SERPINF2: variants seen among roughly 807,000 people sequenced by gnomAD.
SERPINF2 encodes the protein serpin family F member 2.
In SERPINF2, 15 loss-of-function variants were observed where a neutral mutation model predicts 45.0. The ratio of observed to expected loss-of-function variants is 0.33; its 90% CI spans 0.22 to 0.51. SERPINF2 has a LOEUF of 0.51. Among genes scored for constraint, SERPINF2 ranks in the 20% least tolerant of loss-of-function variants. The pLI is 0.97. For synonymous variants in SERPINF2, 283 were observed against 277.9 expected (o/e 1.02, Z -0.18); for missense variants, 518 against 637.4 (o/e 0.81, Z 2.02).
At position 1,745,657 on chromosome 17, in the gene SERPINF2, G is replaced by T; in HGVS notation, c.166-51G>T. On this transcript the variant is annotated intron_variant, in intron 4 of 9. Coordinates refer to ENST00000453066, the MANE Select transcript of SERPINF2 (RefSeq NM_000934.4). The surrounding 1 kb of genome is among the most constrained non-coding windows in gnomAD (Gnocchi z 6.2). ...GGGCTGTGACAAGGCCTTCAACACA[G>T]AACCTGGAGCTGACCCCTTGACCTC... is the stretch of plus-strand genomic sequence containing the variant. 1 of 1,572,562 alleles carries T rather than the reference G, an allele frequency of 6.4e-7. No individual in the cohort carries two copies.
chr17:1,753,752 C>G (rs534923419), intron 9 of SERPINF2, among the ~76,000 whole-genome samples: 1 of 152,214 alleles, frequency 6.6e-6, no homozygotes, highest in Admixed American at 6.5e-5. Context: ...TGCTAAGCAG[C>G]TGCTGTATTC....
chr17:1,754,669 CTTGGGGAGTTTAGGGTGGGGGGGGGG>C lies in SERPINF2; in HGVS notation c.*136_*161del. On this transcript the variant is annotated 3_prime_UTR_variant, in exon 10 of 10. Transcript: ENST00000453066. ...GAGAGGCCATTCTTTCCCAACACCT[CTTGGGGAGTTTAGGGTGGGGGGGGGG>C]CGCGGCTGGGAGGAGGGCAGGCATC... 1.7e-5 allele frequency: 6 copies of C among 352,736 alleles called. No individual in the cohort carries two copies. Among genetic ancestry groups the C allele is most frequent in the Admixed American group, 6.9e-5 (1 of 14,550 alleles). The allele number at this position is 352,736 out of a possible 1,614,324, so 21.9% of individuals were successfully genotyped here. A position where few individuals can be genotyped will look rare whatever the true frequency, so the allele number is the denominator to read the frequency against.
At chr17:1,743,018 C>T in intron 1 of SERPINF2, 110 bp downstream of exon 1, 1 of 985,432 alleles carries the variant, frequency 1.0e-6, no homozygotes. Flanking sequence ...CACTCCCCAG[C>T]CTCTTCTGGG....
In SERPINF2 at chr17:1,754,697, G is replaced by A. The variant is rs1206907889; in HGVS notation, c.*163G>A. 5 of 418,844 alleles carry A rather than the reference G, an allele frequency of 1.2e-5. No individual in the cohort carries two copies. The highest frequency in any genetic ancestry group is 4.2e-5 in the Admixed American group (1 of 23,866). 25.9% of individuals were successfully genotyped at this position (418,844 alleles called of 1,614,324 possible). ...GGGGAGTTTAGGGTGGGGGGGGGGC[G>A]CGGCTGGGAGGAGGGCAGGCATCGG... On this transcript the variant is annotated 3_prime_UTR_variant, in exon 10 of 10. Transcript: ENST00000453066.
chr17:1,748,578 T>C lies in SERPINF2; in HGVS notation c.716-20T>C. 1.2e-6 allele frequency: 2 copies of C among 1,612,202 alleles called. No individual in the cohort carries two copies. The highest frequency in any genetic ancestry group is 1.7e-6 in the Non-Finnish European group (2 of 1,179,978). The stretch of plus-strand genomic sequence containing the variant: ...AGCTGGTCCCCGTCGACGTGACCCC[T>C]GCCCTCTGCTGGGTTTCAGGTTTCT... On this transcript the variant is annotated intron_variant, in intron 7 of 9. Coordinates refer to ENST00000453066, the MANE Select transcript of SERPINF2 (RefSeq NM_000934.4).
Position 1,744,454 on chromosome 17 carries a change from C to T in SERPINF2, c.-4-538C>T, listed in dbSNP as rs574134048. 165 of 714,456 alleles carry T rather than the reference C, an allele frequency of 2.3e-4. No homozygotes were observed. The African/African-American group carries it at 2.8e-3, about 12-fold the overall frequency. 44.3% of individuals were successfully genotyped at this position (714,456 alleles called of 1,614,324 possible). Reference sequence around the variant, plus strand: ...GTTGCGGTGAGCCGAGATCCTGCCACTGCACTCCAGCCTGGTCAACGAGAG... The same window carrying T: ...GTTGCGGTGAGCCGAGATCCTGCCATTGCACTCCAGCCTGGTCAACGAGAG... On this transcript the variant is annotated intron_variant, in intron 1 of 9. Coordinates refer to ENST00000453066, the MANE Select transcript of SERPINF2 (RefSeq NM_000934.4).
chr17:1,745,117 G>A lies in SERPINF2; in HGVS notation c.64-58G>A. On this transcript the variant is annotated intron_variant, in intron 2 of 9. Transcript: ENST00000453066. This position sits in a 1 kb window ranked among gnomAD's most constrained non-coding sequence, Gnocchi z 6.2. ...TGGAGGGGGAAGAAGAGGGGCGTTG[G>A]CATGGAGGGAGGGCTTGGCTCCGAG... 2 of 1,604,210 alleles carry A rather than the reference G, an allele frequency of 1.2e-6. No individual in the cohort carries two copies. The highest frequency in any genetic ancestry group is 8.5e-7 in the Non-Finnish European group (1 of 1,176,214).
At position 1,754,915 on chromosome 17, in the gene SERPINF2, C is replaced by G. The variant is rs1051901404; in HGVS notation, c.*381C>G. On this transcript the variant is annotated 3_prime_UTR_variant, in exon 10 of 10. Transcript: ENST00000453066. ...GGGAGAGGGCTGCCTTTGGACTTGT[C>G]CCGGGACACCTAGGCTAGGGTGGGG... is the stretch of plus-strand genomic sequence containing the variant. 3.4e-6 allele frequency: 1 copy of G among 295,230 alleles called. No individual in the cohort carries two copies. Among genetic ancestry groups the G allele is most frequent in the Non-Finnish European group, 6.3e-6 (1 of 157,922 alleles). The allele number at this position is 295,230 out of a possible 1,614,324, so 18.3% of individuals were successfully genotyped here.
chr17:1,750,456 A>ATT (rs1241712336), intron 8 of SERPINF2, among the ~76,000 whole-genome samples: 17 of 141,684 alleles, frequency 1.2e-4, no homozygotes, highest in African/African-American at 4.2e-4. Flanking sequence ...CAATTTTTGT[A>ATT]TTTTTTTTTT....
At chr17:1,751,006 G>A (rs1425522554) in intron 8 of SERPINF2, among the ~76,000 whole-genome samples, 1 of 152,120 alleles carries the variant, frequency 6.6e-6, no homozygotes, top group Non-Finnish European at 1.5e-5. Flanking sequence ...TCTGCAGACA[G>A]GCCCAAACAG....
intron 5 of SERPINF2, among the ~76,000 whole-genome samples, chr17:1,746,720 C>T (rs1041408054): frequency 6.6e-6 from 1 of 152,062 alleles, no homozygotes; most frequent in African/African-American, 2.4e-5. Flanking sequence ...AGCCACCGCG[C>T]CCGGCCCCTC....
rs1225148744 is a variant in SERPINF2, at chr17:1,752,380, T to C, written c.859-206T>C. On this transcript the variant is annotated intron_variant, in intron 8 of 9. Coordinates refer to ENST00000453066, the MANE Select transcript of SERPINF2 (RefSeq NM_000934.4). ...CACACTGCTAGAAACTTTAAAAGCA[T>C]CTCATTCGGTTACGTGTCCGCCTGC... Among the ~76,000 whole-genome samples, 4 of 152,062 alleles carry C rather than the reference T, an allele frequency of 2.6e-5. No individual in the cohort carries two copies. The East Asian group carries it at 7.7e-4, about 29-fold the overall frequency.
Position 1,747,401 on chromosome 17 carries a change from G to T in SERPINF2, c.604G>T (p.Ala202Ser). The T allele has an allele frequency of 6.2e-7, 1 of 1,614,186 alleles. No individual in the cohort carries two copies. The highest frequency in any genetic ancestry group is 1.1e-5 in the South Asian group (1 of 91,084). The change falls in exon 7 of 10, where the codon GCA (alanine) becomes TCA (serine). Residue 202 changes from alanine (A) to serine (S), a missense_variant. Around this residue, in one of 2 missense-constraint regions of SERPINF2, gnomAD observed 435 missense variants for 577.3 expected, o/e 0.75. Coordinates refer to ENST00000453066, the MANE Select transcript of SERPINF2 (RefSeq NM_000934.4). ...SLTGKQEDDL[A>S]NINQWVKEAT... ...GACGGGAAAGCAGGAAGATGACCTG[G>T]CAAACATCAACCAATGGGTGAAGGA...
Position 1,752,639 on chromosome 17 carries a change from C to T in SERPINF2, c.912C>T (p.Thr304=), listed in dbSNP as rs1906496870. The T allele has an allele frequency of 6.2e-7, 1 of 1,614,210 alleles. No individual in the cohort carries two copies. Among genetic ancestry groups the T allele is most frequent in the Non-Finnish European group, 8.5e-7 (1 of 1,180,026 alleles). The part of the protein sequence containing the change: ...NNMSFVVLVP[T]HFEWNVSQVL... ...TGAGCTTTGTGGTCCTTGTACCCAC[C>T]CACTTTGAATGGAACGTGTCCCAGG... The change falls in exon 9 of 10, where the codon ACC becomes ACT. Residue 304 remains threonine, a synonymous_variant. Coordinates refer to ENST00000453066, the MANE Select transcript of SERPINF2 (RefSeq NM_000934.4).
In SERPINF2 at chr17:1,754,206, C is replaced by T; in HGVS notation, c.1148C>T (p.Thr383Ile). The change falls in exon 10 of 10, where the codon ACC (threonine) becomes ATC (isoleucine). Residue 383 changes from threonine to isoleucine, a missense_variant. Around this residue, in one of 2 missense-constraint regions of SERPINF2, gnomAD observed 435 missense variants for 577.3 expected, o/e 0.75. Transcript: ENST00000453066. ...LVVSGVQHQS[T>I]LELSEVGVEA... The stretch of plus-strand genomic sequence containing the variant: ...GTGTCCGGCGTGCAGCATCAGTCCA[C>T]CCTGGAGCTCAGCGAGGTCGGCGTG... The T allele has an allele frequency of 6.2e-7, 1 of 1,613,628 alleles. No individual in the cohort carries two copies. Among genetic ancestry groups the T allele is most frequent in the South Asian group, 1.1e-5 (1 of 91,084 alleles).
In SERPINF2 at chr17:1,746,047, C is replaced by T. The variant is rs896038633; in HGVS notation, c.367+138C>T. The T allele has an allele frequency of 5.0e-5, 48 of 957,754 alleles. 1 individual carries two copies. The highest frequency in any genetic ancestry group is 2.0e-4 in the East Asian group (8 of 40,570). 59.3% of individuals were successfully genotyped at this position (957,754 alleles called of 1,614,324 possible). A position where few individuals can be genotyped will look rare whatever the true frequency, so the allele number is the denominator to read the frequency against. ...AAAAATGCAGATTCCTAGGCCGGGGCGGTGGCTCACGCCTGTAATCCCAAC... is the reference window on the plus strand; with the variant it reads ...AAAAATGCAGATTCCTAGGCCGGGGTGGTGGCTCACGCCTGTAATCCCAAC... On this transcript the variant is annotated intron_variant, in intron 5 of 9. Transcript: ENST00000453066.
rs778453597 is a variant in SERPINF2 at position 1,754,540 on chromosome 17, C to T, written c.*6C>T. The T allele has an allele frequency of 1.2e-5, 20 of 1,605,498 alleles. No individual in the cohort carries two copies. Among genetic ancestry groups the T allele is most frequent in the Middle Eastern group, 1.7e-4 (1 of 6,048 alleles). On this transcript the variant is annotated 3_prime_UTR_variant, in exon 10 of 10. Coordinates refer to ENST00000453066, the MANE Select transcript of SERPINF2 (RefSeq NM_000934.4). ...AGTTTGGCAGCCCCAAGTGAGGGGC[C>T]GTGGCTGTGGCATCCAGAGTCCCTG...
Position 1,754,113 on chromosome 17 carries a change from C to T in SERPINF2, c.1064-9C>T, listed in dbSNP as rs760384588. 2.6e-5 allele frequency: 42 copies of T among 1,603,156 alleles called. No homozygotes were observed. In the East Asian group the frequency reaches 5.1e-4, roughly 20 times the overall value. On this transcript the variant is annotated splice_polypyrimidine_tract_variant and intron_variant, in intron 9 of 9. Transcript: ENST00000453066. ...GCAGCTCTGACCAGCCATCTCTGGC[C>T]CTGGGCAGGCCTGCAGGAGTTGTTC...
chr17:1,753,956 G>C (rs1906611956), intron 9 of SERPINF2, among the ~76,000 whole-genome samples, 166 bp from the exon 10 acceptor site: 1 of 152,212 alleles, frequency 6.6e-6, no homozygotes, highest in Non-Finnish European at 1.5e-5. Flanking sequence ...AAGGCTTCCT[G>C]GAGGAGGTGG....
Sources: gnomAD v4.1 joint callset for allele counts (sites outside exome capture counted in the v4.1 genomes callset) on GRCh38, gnomAD v4.1.1 for gene constraint, gnomAD v4.1.1 regional missense constraint, Gnocchi (gnomAD v3.1) non-coding constraint, MANE v1.5 for transcripts, NCBI Gene and HGNC (gene_info 2026-07-23, HGNC 2026-07-21) for gene names.